The following DNAH2 variants were observed in gnomAD, a reference collection of about 807,000 sequenced individuals.
DNAH2 encodes the protein axonemal beta dynein heavy chain 2.
Under a neutral mutation model 523.5 loss-of-function variants are expected in DNAH2, and 323 were observed. That is an observed-to-expected ratio of 0.62 (90% CI 0.56 to 0.68). The LOEUF (loss-of-function observed/expected upper bound fraction) is 0.68, where lower values mean the gene tolerates loss of function less well. Ranked by LOEUF, DNAH2 falls within the 30% of genes least tolerant of loss-of-function variation. The probability of loss-of-function intolerance (pLI) is 0.00; values close to 1 mark genes in which losing one functional copy is unlikely to be tolerated. For synonymous variants in DNAH2, 2,093 were observed against 2,177.4 expected (o/e 0.96, Z 1.08); for missense variants, 4,907 against 5,701.5 (o/e 0.86, Z 4.49).
chr17:7,825,876 T>G (rs1458902673), intron 77 of DNAH2, among the ~76,000 whole-genome samples: 1 of 152,158 alleles, frequency 6.6e-6, no homozygotes, highest in African/African-American at 2.4e-5. Context: ...ACTCAGAATG[T>G]GATTACGTTT....
At position 7,723,670 on chromosome 17, in the gene DNAH2, T is replaced by G; in HGVS notation, c.209T>G (p.Val70Gly). The change falls in exon 3 of 86, where the codon GTG becomes GGG. Residue 70 changes from valine (V) to glycine (G), a missense_variant. Val to Gly is a moderately radical substitution (Grantham distance 109, BLOSUM62 -3). Around this residue, in one of 3 missense-constraint regions of DNAH2, gnomAD observed 2,806 missense variants for 3,190.8 expected, o/e 0.88. Transcript: ENST00000572933. ...CCTCAAGCACAGAGTGAAGAATCAG[T>G]GGAGCCCGAGGCAGATGTGGTAGGC... is the stretch of plus-strand genomic sequence containing the variant. ...EGPQAQSEES[V>G]EPEADVKPLF... The G allele has an allele frequency of 1.9e-6, 3 of 1,614,006 alleles. No homozygotes were observed. Among genetic ancestry groups the G allele is most frequent in the Non-Finnish European group, 2.5e-6 (3 of 1,179,976 alleles).
Position 7,758,948 on chromosome 17 carries a change from A to G in DNAH2, c.2272A>G (p.Met758Val), listed in dbSNP as rs2075924636. 1 of 1,614,158 alleles carries G rather than the reference A, an allele frequency of 6.2e-7. No individual in the cohort carries two copies. Among genetic ancestry groups the G allele is most frequent in the Non-Finnish European group, 8.5e-7 (1 of 1,180,016 alleles). The stretch of plus-strand genomic sequence containing the variant: ...GACCATTGGCTGGCGAGCCCAAGAG[A>G]TGTCAGAGAAGCTGCTGGTACGCAT... Reference protein sequence around the residue: ...TLTIGWRAQEMSEKLLVRISG... With the variant: ...TLTIGWRAQEVSEKLLVRISG... Residue 758 changes from methionine to valine, a missense_variant, in exon 15 of 86, where the codon ATG becomes GTG. By Grantham distance (21) the Met-to-Val change is conservative. Around this residue, in one of 3 missense-constraint regions of DNAH2, gnomAD observed 2,806 missense variants for 3,190.8 expected, o/e 0.88. Coordinates refer to ENST00000572933, the MANE Select transcript of DNAH2 (RefSeq NM_020877.5).
chr17:7,719,672 T>C, intron 1 of DNAH2, 49 bp from the exon 2 acceptor site: 1 of 1,610,234 alleles, frequency 6.2e-7, no homozygotes, highest in Non-Finnish European at 8.5e-7. Flanking sequence ...AGGGGGCTGG[T>C]TCAGGGGTGG....
chr17:7,760,792 T>TAAC lies in DNAH2; in HGVS notation c.2842_2844dup (p.Asn948dup), dbSNP rs1659376556. On this transcript the variant is annotated inframe_insertion, in exon 18 of 86. Coordinates refer to ENST00000572933, the MANE Select transcript of DNAH2 (RefSeq NM_020877.5). The surrounding 1 kb of genome is among the most constrained non-coding windows in gnomAD (Gnocchi z 4.0). Reference sequence around the variant, plus strand: ...AGACCCAAATCAGCAGCGGCATGACTAACAACGCAAGCCTGCTGCAGAACT... The same window carrying TAAC: ...AGACCCAAATCAGCAGCGGCATGACTAACAACAACGCAAGCCTGCTGCAGAACT... 1 of 1,614,020 alleles carries TAAC rather than the reference T, an allele frequency of 6.2e-7. No individual in the cohort carries two copies. Among genetic ancestry groups the TAAC allele is most frequent in the East Asian group, 2.2e-5 (1 of 44,892 alleles).
At chr17:7,733,546 T>G (rs886086346) in intron 5 of DNAH2, among the ~76,000 whole-genome samples, 1 of 150,520 alleles carries the variant, frequency 6.6e-6, no homozygotes. Flanking sequence ...GGCGCGATCT[T>G]GGCTCACTGC....
chr17:7,796,972 C>T (rs898350251), intron 50 of DNAH2, among the ~76,000 whole-genome samples: 7 of 149,728 alleles, frequency 4.7e-5, no homozygotes, highest in African/African-American at 7.4e-5. Context: ...CATGGTGGCA[C>T]GCGCCTGTAG....
At chr17:7,818,268 C>A (rs1264598071) in intron 68 of DNAH2, 44 bp from the exon 69 acceptor site, 1 of 1,609,832 alleles carries the variant, frequency 6.2e-7, no homozygotes, top group South Asian at 1.1e-5. Context: ...TTAGCTGGTA[C>A]CCATCACATG....
At chr17:7,764,782 CT>C (rs59188289) in intron 20 of DNAH2, among the ~76,000 whole-genome samples, 11,426 of 49,604 alleles carry the variant, frequency 0.23, 687 homozygotes, top group Non-Finnish European at 0.3. Context: ...ACTGTATTTA[CT>C]TTTTTTTTTT....
chr17:7,769,458 G>A (rs186004647), intron 24 of DNAH2, among the ~76,000 whole-genome samples: 666 of 152,294 alleles, frequency 4.4e-3, no homozygotes, highest in Admixed American at 9.1e-3. Context: ...CACCGTGCCC[G>A]TCCCGCCTTA....
chr17:7,819,019 G>A lies in DNAH2; in HGVS notation c.10771G>A (p.Glu3591Lys). 1 of 1,604,958 alleles carries A rather than the reference G, an allele frequency of 6.2e-7. No homozygotes were observed. The highest frequency in any genetic ancestry group is 1.7e-4 in the Middle Eastern group (1 of 5,958). ...ITATEVTEQL[E>K]TSETTEINTD... ...AGCCACAGAGGTGACTGAGCAGCTG[G>A]AGACCAGTGAGACCACAGAGATCAA... The change falls in exon 71 of 86, where the codon GAG becomes AAG. Residue 3591 changes from glutamate (E) to lysine (K), a missense_variant. Coordinates refer to ENST00000572933, the MANE Select transcript of DNAH2 (RefSeq NM_020877.5).
chr17:7,787,897 C>T lies in DNAH2; in HGVS notation c.6641C>T (p.Ala2214Val), dbSNP rs148430922. The T allele has an allele frequency of 5.0e-5, 80 of 1,614,002 alleles. No homozygotes were observed. The African/African-American group carries it at 8.7e-4, about 18-fold the overall frequency. Residue 2214 changes from alanine to valine, a missense_variant, in exon 43 of 86, where the codon GCC becomes GTC. Physicochemically the swap from Ala to Val is moderately conservative, Grantham distance 64. This residue lies in a region of DNAH2 where 2,806 missense variants were observed against 3,190.8 expected (regional missense o/e 0.88). Transcript: ENST00000572933. ...LLFEVEDLAM[A>V]SPATVSRCGM... ...TTTGAAGTGGAGGACCTGGCAATGG[C>T]CTCTCCGGCCACTGTATCCCGCTGC...
chr17:7,781,914 C>T (rs2076613401), intron 39 of DNAH2, among the ~76,000 whole-genome samples: 1 of 152,196 alleles, frequency 6.6e-6, no homozygotes, highest in Admixed American at 6.5e-5. Context: ...GAACTTTCTT[C>T]TCTGGCAGTG....
At chr17:7,823,142 T>A (rs1333128089) in intron 73 of DNAH2, among the ~76,000 whole-genome samples, 1 of 150,990 alleles carries the variant, frequency 6.6e-6, no homozygotes, top group East Asian at 2.0e-4. Flanking sequence ...AAAAATACAA[T>A]AATTAGCCAG....
At position 7,833,059 on chromosome 17, in the gene DNAH2, A is replaced by G. The variant is rs759512558; in HGVS notation, c.12979-12A>G. On this transcript the variant is annotated splice_polypyrimidine_tract_variant and intron_variant, in intron 84 of 85. Coordinates refer to ENST00000572933, the MANE Select transcript of DNAH2 (RefSeq NM_020877.5). ...TCTAGCTTCTCCCAGACCTGCTCCCATTTCTCCCCAGGATGGTGTCTGGGT... is the reference window on the plus strand; with the variant it reads ...TCTAGCTTCTCCCAGACCTGCTCCCGTTTCTCCCCAGGATGGTGTCTGGGT... 6.2e-7 allele frequency: 1 copy of G among 1,613,318 alleles called. No homozygotes were observed. The highest frequency in any genetic ancestry group is 1.1e-5 in the South Asian group (1 of 91,084).
chr17:7,816,767 C>G, intron 64 of DNAH2, 32 bp downstream of exon 64: 4 of 1,606,912 alleles, frequency 2.5e-6, no homozygotes, highest in Non-Finnish European at 3.4e-6. Context: ...GGTGTCCTTT[C>G]ACTCTGCTCG....
chr17:7,754,831 G>T lies in DNAH2; in HGVS notation c.1905-2260G>T. 1 of 703,178 alleles carries T rather than the reference G, an allele frequency of 1.4e-6. No individual in the cohort carries two copies. The highest frequency in any genetic ancestry group is 2.5e-6 in the Non-Finnish European group (1 of 393,916). 43.6% of individuals were successfully genotyped at this position (703,178 alleles called of 1,614,324 possible). A position where few individuals can be genotyped will look rare whatever the true frequency, so the allele number is the denominator to read the frequency against. ...GCTCAGGCTCCCAAAGCTGCCCAGT[G>T]CCCTACAAAGACTTCAGAGTAGATA... On this transcript the variant is annotated intron_variant, in intron 12 of 85. Coordinates refer to ENST00000572933, the MANE Select transcript of DNAH2 (RefSeq NM_020877.5). The surrounding 1 kb of genome is among the most constrained non-coding windows in gnomAD (Gnocchi z 4.6).
rs1466754501 is a variant in DNAH2 at position 7,824,304 on chromosome 17, G to C, written c.11662G>C (p.Gly3888Arg). 17 of 1,515,858 alleles carry C rather than the reference G, an allele frequency of 1.1e-5. No homozygotes were observed. Among genetic ancestry groups the C allele is most frequent in the Non-Finnish European group, 1.5e-5 (17 of 1,135,962 alleles). The allele number at this position is 1,515,858 out of a possible 1,614,324, so 93.9% of individuals were successfully genotyped here. The change falls in exon 76 of 86, where the codon GGA (glycine) becomes CGA (arginine). Residue 3888 changes from glycine (G) to arginine (R), a missense_variant and splice_region_variant. This residue lies in a region of DNAH2 where 1,851 missense variants were observed against 2,139.4 expected (regional missense o/e 0.87). Transcript: ENST00000572933. Reference sequence around the variant, plus strand: ...GCTCCTCCGAGAGGGTGTGACTCAGGGTTGGTGTCCATCCTTTCTTCCACC... The same window carrying C: ...GCTCCTCCGAGAGGGTGTGACTCAGCGTTGGTGTCCATCCTTTCTTCCACC... ...ARLLREGVTQ[G>R]HWVFLANCHL... is the part of the protein sequence containing the mutation.
chr17:7,772,398 G>T (rs1417430038), intron 28 of DNAH2, among the ~76,000 whole-genome samples: 1 of 152,170 alleles, frequency 6.6e-6, no homozygotes, highest in Non-Finnish European at 1.5e-5. Context: ...ATAATTGACA[G>T]AATTATATTC....
chr17:7,762,884 T>C (rs2076045753), intron 18 of DNAH2, among the ~76,000 whole-genome samples: 1 of 143,970 alleles, frequency 6.9e-6, no homozygotes, highest in African/African-American at 2.6e-5. Context: ...AAACCGAGAC[T>C]CAAACAGTTA....
Sources: gnomAD v4.1 joint callset for allele counts (sites outside exome capture counted in the v4.1 genomes callset) on GRCh38, gnomAD v4.1.1 for gene constraint, gnomAD v4.1.1 regional missense constraint, Gnocchi (gnomAD v3.1) non-coding constraint, MANE v1.5 for transcripts, NCBI Gene and HGNC (gene_info 2026-07-23, HGNC 2026-07-21) for gene names.